SLC40A1: variants seen among roughly 807,000 people sequenced by gnomAD.
SLC40A1 encodes solute carrier family 40 member 1, also known as ferroportin.
SLC40A1 carries 16 observed loss-of-function variants against 53.5 expected under a neutral mutation model. The observed-to-expected ratio is 0.30, with a 90% CI of 0.20 to 0.45. The LOEUF (loss-of-function observed/expected upper bound fraction) is 0.45, where lower values mean the gene tolerates loss of function less well. SLC40A1 is among the 20% of genes least tolerant of loss of function. The pLI, the probability that SLC40A1 is intolerant of heterozygous loss-of-function variation, is 1.00. For missense variants in SLC40A1, 545 were observed against 695.4 expected (o/e 0.78, Z 2.43); for synonymous variants, 247 against 253.2 (o/e 0.98, Z 0.23).
intron 6 of SLC40A1, 132 bp downstream of exon 6, chr2:189,565,222 A>G (rs2030895538): frequency 1.7e-6 from 2 of 1,149,636 alleles, no homozygotes; most frequent in East Asian, 2.5e-5. Flanking sequence ...CGTCTACCAA[A>G]GCGATATATT....
At chr2:189,563,469 A>T in intron 7 of SLC40A1, 115 bp downstream of exon 7, 3 of 889,710 alleles carry the variant, frequency 3.4e-6, no homozygotes, top group Non-Finnish European at 5.0e-6. Flanking sequence ...GTAAGAGTGG[A>T]TTTTGCTTAA....
intron 3 of SLC40A1, among the ~76,000 whole-genome samples, chr2:189,574,101 G>C (rs902094800): frequency 8.5e-5 from 13 of 152,198 alleles, no homozygotes; most frequent in Admixed American, 1.3e-4. Context: ...TTTTCATAAA[G>C]AGTAATGTAT....
intron 7 of SLC40A1, among the ~76,000 whole-genome samples, chr2:189,563,041 T>G (rs1034888787): frequency 6.6e-6 from 1 of 151,780 alleles, no homozygotes; most frequent in Non-Finnish European, 1.5e-5. Flanking sequence ...TTAAATTACA[T>G]TTAAAAAGTA....
In SLC40A1 at chr2:189,562,025, G is replaced by A. The variant is rs770129909; in HGVS notation, c.1569C>T (p.Leu523=). The A allele has an allele frequency of 1.7e-5, 27 of 1,614,036 alleles. No individual in the cohort carries two copies. Among genetic ancestry groups the A allele is most frequent in the Middle Eastern group, 3.3e-4 (2 of 6,062 alleles). ...CCACAAAGGAGACTGAAATCAATAC[G>A]AGCAAGCCAAAAGCTTCAGGATTTG... ...LAPNPEAFGL[L]VLISVSFVAM... The change falls in exon 8 of 8, where the codon CTC becomes CTT. Residue 523 remains leucine (L), a synonymous_variant. Coordinates refer to ENST00000261024, the MANE Select transcript of SLC40A1 (RefSeq NM_014585.6).
At chr2:189,578,808 C>T (rs1326006244) in intron 2 of SLC40A1, among the ~76,000 whole-genome samples, 1 of 152,202 alleles carries the variant, frequency 6.6e-6, no homozygotes, top group African/African-American at 2.4e-5. Context: ...CATCTATAAA[C>T]TGCTATTTCT....
chr2:189,577,420 G>A (rs1218011065), intron 2 of SLC40A1, among the ~76,000 whole-genome samples: 1 of 152,150 alleles, frequency 6.6e-6, no homozygotes, highest in Admixed American at 6.5e-5. Context: ...AGCAAAGTGA[G>A]CCTCTGGGAA....
chr2:189,578,857 T>C (rs930373), intron 2 of SLC40A1, among the ~76,000 whole-genome samples: 140,533 of 152,246 alleles, frequency 0.92, 64,958 homozygotes, highest in East Asian at 1. Flanking sequence ...TTCTCAAAGG[T>C]ATTGGGTATA....
chr2:189,565,866 A>G (rs2030923957), intron 5 of SLC40A1, among the ~76,000 whole-genome samples: 1 of 152,208 alleles, frequency 6.6e-6, no homozygotes, highest in South Asian at 2.1e-4. Context: ...GTGACTCTAC[A>G]TTCATTTTTT....
chr2:189,578,129 C>A (rs974682188), intron 2 of SLC40A1: 1 of 825,330 alleles, frequency 1.2e-6, no homozygotes, highest in Non-Finnish European at 1.5e-6. Flanking sequence ...TACATATACA[C>A]ACACACATAA....
rs1201038729 is a variant in SLC40A1 at position 189,561,850 on chromosome 2, G to GT, written c.*27dup. 1.1e-5 allele frequency: 18 copies of GT among 1,580,402 alleles called. No individual in the cohort carries two copies. Among genetic ancestry groups the GT allele is most frequent in the Non-Finnish European group, 1.6e-5 (18 of 1,149,558 alleles). Reference sequence around the variant, plus strand: ...AAGCACATGTGCTCTATATAATCTAGTAACAGGATAGCAACAGTTAAACTG... The same window carrying GT: ...AAGCACATGTGCTCTATATAATCTAGTTAACAGGATAGCAACAGTTAAACTG... On this transcript the variant is annotated 3_prime_UTR_variant, in exon 8 of 8. Transcript: ENST00000261024.
rs1013354457 is a variant in SLC40A1 at position 189,561,647 on chromosome 2, C to T, written c.*231G>A. 5 of 519,072 alleles carry T rather than the reference C, an allele frequency of 9.6e-6. No individual in the cohort carries two copies. Among genetic ancestry groups the T allele is most frequent in the South Asian group, 2.2e-5 (1 of 46,484 alleles). The allele number at this position is 519,072 out of a possible 1,614,324, so 32.2% of individuals were successfully genotyped here. On this transcript the variant is annotated 3_prime_UTR_variant, in exon 8 of 8. Transcript: ENST00000261024. ...AATTCAGTGTTATCATTATAGTCTC[C>T]GTATTTAAACTGAGTTTTTCTTTTC...
At chr2:189,577,591 T>C (rs2031328729) in intron 2 of SLC40A1, among the ~76,000 whole-genome samples, 1 of 150,676 alleles carries the variant, frequency 6.6e-6, no homozygotes, top group Non-Finnish European at 1.5e-5. Context: ...AATTGTATTA[T>C]AAGCTCCTTG....
intron 7 of SLC40A1, 24 bp from the exon 8 acceptor site, chr2:189,562,215 G>A (rs1397159577): frequency 6.5e-7 from 1 of 1,540,778 alleles, no homozygotes; most frequent in Admixed American, 1.8e-5. Context: ...TTTTTTTAAA[G>A]ATTAGATTTT....
At chr2:189,579,934 G>A in intron 1 of SLC40A1, 54 bp from the exon 2 acceptor site, 1 of 1,531,812 alleles carries the variant, frequency 6.5e-7, no homozygotes, top group Admixed American at 1.7e-5. Flanking sequence ...TTAATGAGCT[G>A]AGGGCAGAAT....
Position 189,575,398 on chromosome 2 carries a change from T to C in SLC40A1, c.112-78A>G. ...TTGTACTCAGGAAGTTGCTTCCTTA[T>C]CAAAAGGGCACTTCCTGGCTACATT... On this transcript the variant is annotated intron_variant, in intron 2 of 7. Transcript: ENST00000261024. The C allele has an allele frequency of 2.1e-6, 3 of 1,411,046 alleles. No individual in the cohort carries two copies. The South Asian group carries it at 3.5e-5, about 16-fold the overall frequency. 87.4% of individuals were successfully genotyped at this position (1,411,046 alleles called of 1,614,324 possible).
intron 1 of SLC40A1, 128 bp downstream of exon 1, chr2:189,580,290 G>A: frequency 9.7e-7 from 1 of 1,035,814 alleles, no homozygotes; most frequent in Admixed American, 1.8e-5. Flanking sequence ...CCAAATATGA[G>A]TCAAAGGATC....
At chr2:189,562,462 T>A (rs1241843056) in intron 7 of SLC40A1, among the ~76,000 whole-genome samples, 1 of 152,226 alleles carries the variant, frequency 6.6e-6, no homozygotes, top group African/African-American at 2.4e-5. Context: ...TGATTATTCA[T>A]ACTACAAAAA....
At position 189,560,675 on chromosome 2, in the gene SLC40A1, T is replaced by TG. The variant is rs943910237; in HGVS notation, c.*1202dup. On this transcript the variant is annotated 3_prime_UTR_variant, in exon 8 of 8. Coordinates refer to ENST00000261024, the MANE Select transcript of SLC40A1 (RefSeq NM_014585.6). ...ATCATTATGTCATACTGTAGAAAGA[T>TG]GAAGCAAAGGATTAAACTCCAAGGA... The TG allele has an allele frequency of 6.6e-6, 1 of 152,606 alleles. No homozygotes were observed. The highest frequency in any genetic ancestry group is 2.4e-5 in the African/African-American group (1 of 41,456). 9.5% of individuals were successfully genotyped at this position (152,606 alleles called of 1,614,324 possible).
rs1224836957 is a variant in SLC40A1, at chr2:189,580,578, C to A, written c.-118G>T. 4 of 1,589,038 alleles carry A rather than the reference C, an allele frequency of 2.5e-6. No individual in the cohort carries two copies. Among genetic ancestry groups the A allele is most frequent in the African/African-American group, 1.3e-5 (1 of 74,778 alleles). ...GATAGCACCTCTAAAAACACAACAG[C>A]CTTGGGCAAAAAGACTACAACGACG... On this transcript the variant is annotated 5_prime_UTR_variant, in exon 1 of 8. Coordinates refer to ENST00000261024, the MANE Select transcript of SLC40A1 (RefSeq NM_014585.6).
Sources: allele counts gnomAD v4.1 joint callset (sites outside exome capture counted in the v4.1 genomes callset), GRCh38; gene constraint gnomAD v4.1.1; transcripts MANE v1.5; gene names NCBI Gene and HGNC (gene_info 2026-07-23, HGNC 2026-07-21).